The following ENOX1 variants were observed in gnomAD, a reference collection of about 807,000 sequenced individuals.
ENOX1 encodes ecto-NOX disulfide-thiol exchanger 1.
In ENOX1, 42 loss-of-function variants were observed where a neutral mutation model predicts 82.5. The ratio of observed to expected loss-of-function variants is 0.51; its 90% confidence interval spans 0.40 to 0.66. ENOX1 has a LOEUF of 0.66. Ranked by LOEUF, ENOX1 falls within the 30% of genes least tolerant of loss-of-function variation. ENOX1 has a pLI of 0.00. For synonymous variants in ENOX1, 271 were observed against 282.2 expected (o/e 0.96, Z 0.40); for missense variants, 608 against 811.6 (o/e 0.75, Z 3.05).
chr13:43,646,391 C>T (rs1393088607), intron 2 of ENOX1, among the ~76,000 whole-genome samples: 1 of 152,210 alleles, frequency 6.6e-6, no homozygotes, highest in Non-Finnish European at 1.5e-5. Flanking sequence ...TTTTACTCCT[C>T]CCTCTAAAGC....
intron 2 of ENOX1, among the ~76,000 whole-genome samples, chr13:43,489,791 G>T (rs1176541332): frequency 6.6e-6 from 1 of 152,162 alleles, no homozygotes; most frequent in East Asian, 1.9e-4. Flanking sequence ...TCTTGAAGAA[G>T]ATATGAAGTA....
chr13:43,675,525 T>A (rs1388945190), intron 1 of ENOX1, among the ~76,000 whole-genome samples: 2 of 152,316 alleles, frequency 1.3e-5, no homozygotes, highest in East Asian at 3.9e-4. Context: ...TATGCATATA[T>A]ACATGGATAT....
At chr13:43,359,358 C>T (rs1018871411) in intron 7 of ENOX1, among the ~76,000 whole-genome samples, 27 of 152,324 alleles carry the variant, frequency 1.8e-4, no homozygotes, top group Admixed American at 1.8e-3. Context: ...TAAAAATTGA[C>T]ACCAGAGGAC....
At chr13:43,281,729 T>C (rs999146062) in intron 12 of ENOX1, among the ~76,000 whole-genome samples, 2 of 152,180 alleles carry the variant, frequency 1.3e-5, no homozygotes, top group South Asian at 2.1e-4. Flanking sequence ...TTGTGATATA[T>C]GGGTATTTAA....
At chr13:43,714,357 A>C (rs371225010) in intron 1 of ENOX1, among the ~76,000 whole-genome samples, 1 of 152,044 alleles carries the variant, frequency 6.6e-6, no homozygotes, top group East Asian at 1.9e-4. Flanking sequence ...TTTGGAATAG[A>C]TGTGGTGTGG....
At chr13:43,759,097 CTTTTT>C (rs3044251) in intron 1 of ENOX1, among the ~76,000 whole-genome samples, 4 of 122,446 alleles carry the variant, frequency 3.3e-5, no homozygotes, top group Admixed American at 1.8e-4. Context: ...TGATAAGTTT[CTTTTT>C]TTTTTTTTTT....
intron 2 of ENOX1, among the ~76,000 whole-genome samples, chr13:43,501,668 A>G (rs1289473410): frequency 6.6e-6 from 1 of 151,682 alleles, no homozygotes; most frequent in African/African-American, 2.4e-5. Context: ...GCTCACAAAA[A>G]GAAATGAAAA....
chr13:43,527,177 C>T (rs1198967341), intron 2 of ENOX1, among the ~76,000 whole-genome samples: 1 of 151,518 alleles, frequency 6.6e-6, no homozygotes, highest in East Asian at 1.9e-4. Context: ...CTCCCTCAAC[C>T]TCAGCTCCCT....
At chr13:43,657,059 C>G (rs1029276365) in intron 2 of ENOX1, among the ~76,000 whole-genome samples, 5 of 152,148 alleles carry the variant, frequency 3.3e-5, no homozygotes, top group Non-Finnish European at 7.3e-5. Context: ...TAAATAGCCT[C>G]TGCATTTAAG....
At chr13:43,680,638 A>C (rs912354137) in intron 1 of ENOX1, among the ~76,000 whole-genome samples, 4 of 152,262 alleles carry the variant, frequency 2.6e-5, no homozygotes, top group South Asian at 4.1e-4. Flanking sequence ...TTATCTGCAT[A>C]ATGGTGATGA....
Position 43,785,993 on chromosome 13 carries a change from C to T in ENOX1, c.-285+659G>A, listed in dbSNP as rs559635127. Reference sequence around the variant, plus strand: ...CTGGCAGCGGCCGAGTCCGGCTGCCCCAGTGCCTCCTTTACCTCGCGTTGG... The same window carrying T: ...CTGGCAGCGGCCGAGTCCGGCTGCCTCAGTGCCTCCTTTACCTCGCGTTGG... On this transcript the variant is annotated intron_variant, in intron 1 of 16. Transcript: ENST00000690772. Among the ~76,000 whole-genome samples, 155 of 152,184 alleles carry T rather than the reference C, an allele frequency of 1.0e-3. 1 individual carries two copies. Among genetic ancestry groups the T allele is most frequent in the African/African-American group, 3.7e-3 (155 of 41,540 alleles).
At chr13:43,470,192 GTA>G (rs1294705220) in intron 3 of ENOX1, among the ~76,000 whole-genome samples, 43 of 140,754 alleles carry the variant, frequency 3.1e-4, no homozygotes, top group African/African-American at 7.2e-4. Context: ...ATGTGTGTGT[GTA>G]TATATATATG....
chr13:43,217,722 C>T lies in ENOX1; in HGVS notation c.1801-3601G>A, dbSNP rs150057008. 2.6e-3 allele frequency among the ~76,000 whole-genome samples: 400 copies of T among 152,262 alleles called. 2 individuals are homozygous for T. The highest frequency in any genetic ancestry group is 3.7e-3 in the South Asian group (18 of 4,816). On this transcript the variant is annotated intron_variant, in intron 16 of 16. Transcript: ENST00000690772. ...TAACCAGTCACTTAACTTCTTTGGG[C>T]CTGTCTTCTCATTTCCAAGACAAGG...
chr13:43,547,075 C>T (rs538452384), intron 2 of ENOX1: 5 of 152,286 alleles, frequency 3.3e-5, no homozygotes, highest in Admixed American at 6.5e-5. Flanking sequence ...TTTGTTAAGC[C>T]GGCCCAGCCA....
At chr13:43,384,948 T>TTC (rs2052312183) in intron 5 of ENOX1, among the ~76,000 whole-genome samples, 1 of 152,140 alleles carries the variant, frequency 6.6e-6, no homozygotes, top group South Asian at 2.1e-4. Context: ...CAAACAAGGC[T>TTC]GTTCATTGGT....
intron 2 of ENOX1, among the ~76,000 whole-genome samples, chr13:43,614,542 C>CTT (rs9316046): frequency 0.48 from 62,539 of 129,442 alleles, 15,806 homozygotes; most frequent in Middle Eastern, 0.52. Flanking sequence ...AAATAAAGGG[C>CTT]TTTTTTTTTT....
intron 5 of ENOX1, among the ~76,000 whole-genome samples, chr13:43,384,260 C>G (rs1332618941): frequency 6.6e-6 from 1 of 152,164 alleles, no homozygotes; most frequent in Non-Finnish European, 1.5e-5. Flanking sequence ...GAATGAATGA[C>G]AGCAGCTACT....
At chr13:43,637,200 A>G (rs896634817) in intron 2 of ENOX1, among the ~76,000 whole-genome samples, 1 of 152,176 alleles carries the variant, frequency 6.6e-6, no homozygotes, top group Non-Finnish European at 1.5e-5. Flanking sequence ...AGAGCTCCCT[A>G]CTTTTTATGG....
intron 3 of ENOX1, among the ~76,000 whole-genome samples, chr13:43,462,636 C>A (rs2057538924): frequency 6.6e-6 from 1 of 152,214 alleles, no homozygotes; most frequent in South Asian, 2.1e-4. Flanking sequence ...GTGTGAACAA[C>A]ATTATGTGCA....
Sources: allele counts gnomAD v4.1 joint callset (sites outside exome capture counted in the v4.1 genomes callset), GRCh38; gene constraint gnomAD v4.1.1; transcripts MANE v1.5; gene names NCBI Gene and HGNC (gene_info 2026-07-23, HGNC 2026-07-21).